Variants in CMPK1 observed in about 807,000 individuals in gnomAD.
CMPK1 encodes the protein cytidine/uridine monophosphate kinase 1.
A neutral mutation model predicts 25.7 loss-of-function variants in CMPK1; 10 were observed. The ratio of observed to expected loss-of-function variants is 0.39; its 90% CI spans 0.24 to 0.66. CMPK1 has a LOEUF of 0.66. Ranked by LOEUF, CMPK1 falls within the 30% of genes least tolerant of loss-of-function variation. The pLI is 0.48. For missense variants in CMPK1, 199 were observed against 280.5 expected (o/e 0.71, Z 2.08); for synonymous variants, 106 against 101.5 (o/e 1.04, Z -0.27).
At chr1:47,361,428 CT>C (rs1646600645) in intron 1 of CMPK1, among the ~76,000 whole-genome samples, 1 of 152,114 alleles carries the variant, frequency 6.6e-6, no homozygotes, top group Non-Finnish European at 1.5e-5. Context: ...GAATTTGGCT[CT>C]TTAGGTCAAA....
chr1:47,365,997 C>A (rs1646637588), intron 1 of CMPK1, among the ~76,000 whole-genome samples: 1 of 151,974 alleles, frequency 6.6e-6, no homozygotes, highest in Non-Finnish European at 1.5e-5. Context: ...AGTTCGAGAC[C>A]AGCCTGGCCA....
At chr1:47,357,714 A>C (rs988289502) in intron 1 of CMPK1, among the ~76,000 whole-genome samples, 29 of 151,664 alleles carry the variant, frequency 1.9e-4, no homozygotes, top group African/African-American at 7.0e-4. Context: ...TCAACACCTA[A>C]CCTCAGGTGA....
intron 1 of CMPK1, among the ~76,000 whole-genome samples, chr1:47,362,185 T>TC (rs1553189450): frequency 2.0e-5 from 3 of 149,244 alleles, no homozygotes; most frequent in Admixed American, 6.8e-5. Flanking sequence ...TTTTTTTTTT[T>TC]CGAGACGGAG....
At chr1:47,355,594 T>G (rs934941077) in intron 1 of CMPK1, among the ~76,000 whole-genome samples, 6 of 152,070 alleles carry the variant, frequency 3.9e-5, no homozygotes, top group African/African-American at 1.4e-4. Flanking sequence ...ATTACAGGTG[T>G]GAGCCATCAT....
chr1:47,341,483 C>T (rs1354082679), intron 1 of CMPK1, among the ~76,000 whole-genome samples: 1 of 152,094 alleles, frequency 6.6e-6, no homozygotes, highest in East Asian at 1.9e-4. Flanking sequence ...ATTCTCCTGC[C>T]TCAGCCTCCC....
rs976223195 is a variant in CMPK1, at chr1:47,358,703, C to G, written c.172-9766C>G. The G allele has an allele frequency of 3.0e-6, 3 of 985,322 alleles. No individual in the cohort carries two copies. In the African/African-American group the frequency reaches 5.2e-5, roughly 17 times the overall value. The allele number at this position is 985,322 out of a possible 1,614,324, so 61.0% of individuals were successfully genotyped here. On this transcript the variant is annotated intron_variant, in intron 1 of 5. Coordinates refer to ENST00000371873, the MANE Select transcript of CMPK1 (RefSeq NM_016308.3). ...CATGTAAGGTTCAGGTTCTTGTGAT[C>G]TTTGCTGAGTTCTTTGTGTTTCTCC...
chr1:47,351,050 G>A (rs1646519587), intron 1 of CMPK1, among the ~76,000 whole-genome samples: 1 of 151,894 alleles, frequency 6.6e-6, no homozygotes. Context: ...TTGTCATTTT[G>A]TGTCTGGCTT....
intron 1 of CMPK1, among the ~76,000 whole-genome samples, chr1:47,357,032 C>T (rs1325388717): frequency 6.8e-6 from 1 of 146,798 alleles, no homozygotes; most frequent in Non-Finnish European, 1.5e-5. Context: ...GGCACGATCT[C>T]GGCTCACTAT....
chr1:47,343,280 C>A (rs1044338258), intron 1 of CMPK1, among the ~76,000 whole-genome samples: 1 of 151,174 alleles, frequency 6.6e-6, no homozygotes, highest in Non-Finnish European at 1.5e-5. Flanking sequence ...AGCCACAATG[C>A]CCGGCCCTCT....
At chr1:47,376,625 T>C (rs1646710329) in intron 5 of CMPK1, 79 bp from the exon 6 acceptor site, 4 of 929,784 alleles carry the variant, frequency 4.3e-6, no homozygotes, top group Non-Finnish European at 6.7e-6. Context: ...CAAATTTGAT[T>C]ATTTTTAATA....
intron 1 of CMPK1, among the ~76,000 whole-genome samples, chr1:47,367,410 G>A (rs907547590): frequency 3.9e-5 from 6 of 152,160 alleles, no homozygotes; most frequent in Non-Finnish European, 7.4e-5. Flanking sequence ...TCTGTAATCC[G>A]AAAACAGAAA....
rs1255487616 is a variant in CMPK1, at chr1:47,333,832, G to C, written c.-114G>C. On this transcript the variant is annotated 5_prime_UTR_variant, in exon 1 of 6. Coordinates refer to ENST00000371873, the MANE Select transcript of CMPK1 (RefSeq NM_016308.3). Reference sequence around the variant, plus strand: ...CGGACGCCCGGGCAGCCACGGCGGCGGGGCCGCGGCGGGCGCCGGCTCAGC... The same window carrying C: ...CGGACGCCCGGGCAGCCACGGCGGCCGGGCCGCGGCGGGCGCCGGCTCAGC... The C allele has an allele frequency of 1.6e-6, 1 of 620,390 alleles. No individual in the cohort carries two copies. The highest frequency in any genetic ancestry group is 6.2e-5 in the Admixed American group (1 of 16,148). The allele number at this position is 620,390 out of a possible 1,614,324, so 38.4% of individuals were successfully genotyped here.
chr1:47,350,879 G>A (rs1201134136), intron 1 of CMPK1, among the ~76,000 whole-genome samples: 1 of 150,964 alleles, frequency 6.6e-6, no homozygotes, highest in African/African-American at 2.4e-5. Context: ...CTGCACTCCA[G>A]CCTGGGCGAC....
intron 1 of CMPK1, among the ~76,000 whole-genome samples, chr1:47,359,910 T>C (rs1471965362): frequency 6.6e-6 from 1 of 152,194 alleles, no homozygotes; most frequent in African/African-American, 2.4e-5. Flanking sequence ...TGTGTGCCTT[T>C]CTCCAGGTAT....
intron 1 of CMPK1, among the ~76,000 whole-genome samples, chr1:47,344,991 A>G (rs1646472107): frequency 6.6e-6 from 1 of 151,138 alleles, no homozygotes; most frequent in Admixed American, 6.6e-5. Context: ...ATATTGGCAC[A>G]TTGCAACCTT....
At chr1:47,354,547 A>G (rs552266183) in intron 1 of CMPK1, among the ~76,000 whole-genome samples, 22 of 150,072 alleles carry the variant, frequency 1.5e-4, no homozygotes, top group African/African-American at 5.4e-4. Context: ...GTACTCAGAT[A>G]TAATGCACAT....
chr1:47,334,719 C>G (rs1473467394), intron 1 of CMPK1, among the ~76,000 whole-genome samples: 1 of 152,132 alleles, frequency 6.6e-6, no homozygotes, highest in African/African-American at 2.4e-5. Context: ...GGAGCCAGCC[C>G]TGAGGCTCGG....
chr1:47,370,518 G>A (rs2149334082), intron 2 of CMPK1, among the ~76,000 whole-genome samples: 1 of 151,632 alleles, frequency 6.6e-6, no homozygotes, highest in Admixed American at 6.6e-5. Context: ...GCACACACCT[G>A]TAATCCCAGT....
chr1:47,334,695 GC>G (rs1361260448), intron 1 of CMPK1, among the ~76,000 whole-genome samples: 1 of 152,168 alleles, frequency 6.6e-6, no homozygotes, highest in Non-Finnish European at 1.5e-5. Context: ...CCCCGTCCCC[GC>G]AAGCTTTAGG....
Sources: gnomAD v4.1 joint callset for allele counts (sites outside exome capture counted in the v4.1 genomes callset) on GRCh38, gnomAD v4.1.1 for gene constraint, MANE v1.5 for transcripts, NCBI Gene and HGNC (gene_info 2026-07-23, HGNC 2026-07-21) for gene names.